The following MGST2 variants were observed in gnomAD, a reference collection of about 807,000 sequenced individuals.
MGST2 encodes microsomal glutathione S-transferase 2.
A neutral mutation model predicts 16.6 loss-of-function variants in MGST2; 9 were observed. That is an observed-to-expected ratio of 0.54 (90% CI 0.33 to 0.95). The LOEUF (loss-of-function observed/expected upper bound fraction) is 0.95, where lower values mean the gene tolerates loss of function less well. MGST2 is among the 40% of genes least tolerant of loss of function. The probability of loss-of-function intolerance (pLI) is 0.03; values close to 1 mark genes in which losing one functional copy is unlikely to be tolerated. For missense variants in MGST2, 159 were observed against 175.1 expected (o/e 0.91, Z 0.52); for synonymous variants, 79 against 68.0 (o/e 1.16, Z -0.79).
At chr4:139,687,547 C>T (rs1731632870) in intron 2 of MGST2, 1 of 152,188 alleles carries the variant, frequency 6.6e-6, no homozygotes, top group Non-Finnish European at 1.5e-5. Flanking sequence ...CCCTTTGCCT[C>T]TTTGGAAGGA....
At chr4:139,734,842 G>T (rs1363132796) in intron 5 of MGST2, among the ~76,000 whole-genome samples, 1 of 152,272 alleles carries the variant, frequency 6.6e-6, no homozygotes, top group Non-Finnish European at 1.5e-5. Flanking sequence ...CACAAAAGAC[G>T]GCCGGCGGCG....
chr4:139,693,914 C>G (rs1726765482), intron 2 of MGST2, among the ~76,000 whole-genome samples: 1 of 152,162 alleles, frequency 6.6e-6, no homozygotes, highest in Admixed American at 6.5e-5. Context: ...TGTGGGTAAC[C>G]TCGCTGGTGT....
intron 5 of MGST2, among the ~76,000 whole-genome samples, chr4:139,739,519 A>G (rs1003084949): frequency 1.6e-4 from 25 of 152,220 alleles, no homozygotes; most frequent in Non-Finnish European, 2.9e-4. Flanking sequence ...ATTGGTTAAA[A>G]GTTCATTAGT....
chr4:139,719,642 G>A (rs1476613482), intron 5 of MGST2: 16 of 1,612,412 alleles, frequency 9.9e-6, no homozygotes, highest in East Asian at 4.5e-5. Context: ...CCCCGGGAGC[G>A]ATGGCATCAT....
rs201105213 is a variant in MGST2 at position 139,689,761 on chromosome 4, G to A, written c.159-5436G>A. On this transcript the variant is annotated intron_variant, in intron 2 of 4. Transcript: ENST00000265498. ...CCTGGCATTAGAAATGGCTCATGAG[G>A]TTTTCCTTAGGAGAATGTTTCATAT... Among the ~76,000 whole-genome samples the A allele has an allele frequency of 2.7e-4, 41 of 152,282 alleles. No individual in the cohort carries two copies. In the East Asian group the frequency reaches 5.6e-3, roughly 21 times the overall value.
intron 5 of MGST2, among the ~76,000 whole-genome samples, chr4:139,737,268 A>ACACTCTAC (rs1292313728): frequency 6.6e-6 from 1 of 152,010 alleles, no homozygotes; most frequent in Non-Finnish European, 1.5e-5. Context: ...TCATTGCAAA[A>ACACTCTAC]CACTCTACTA....
intron 3 of MGST2, chr4:139,698,520 G>A: frequency 8.8e-7 from 1 of 1,131,374 alleles, no homozygotes; most frequent in South Asian, 1.2e-5. Context: ...TTTACCACCG[G>A]TCGATTTGCG....
At chr4:139,709,319 A>G (rs1727652366) in intron 5 of MGST2, among the ~76,000 whole-genome samples, 4 of 152,096 alleles carry the variant, frequency 2.6e-5, no homozygotes, top group East Asian at 2.0e-4. Flanking sequence ...TCCTGACCTC[A>G]TGATCCGCCC....
At chr4:139,745,735 A>G (rs1263790343), downstream of MGST2, among the ~76,000 whole-genome samples, 1 of 152,218 alleles carries the variant, frequency 6.6e-6, no homozygotes, top group Non-Finnish European at 1.5e-5. Flanking sequence ...CCCTATTTTT[A>G]AAAAACTAAA....
intron 2 of MGST2, among the ~76,000 whole-genome samples, chr4:139,682,814 C>T (rs149537613): frequency 1.2e-4 from 18 of 149,588 alleles, no homozygotes; most frequent in African/African-American, 3.7e-4. Flanking sequence ...AAAGATTAGG[C>T]GTGCTGACAC....
chr4:139,696,052 GAAAA>G (rs1726902899), intron 3 of MGST2, among the ~76,000 whole-genome samples: 2 of 152,270 alleles, frequency 1.3e-5, no homozygotes, highest in Admixed American at 6.5e-5. Flanking sequence ...CTAGGGAAAA[GAAAA>G]TGTTATTAAA....
chr4:139,724,416 T>G (rs1728384222), intron 5 of MGST2, among the ~76,000 whole-genome samples: 1 of 152,238 alleles, frequency 6.6e-6, no homozygotes, highest in African/African-American at 2.4e-5. Context: ...CTAAGTTGTT[T>G]CCAATAACCT....
intron 3 of MGST2, among the ~76,000 whole-genome samples, chr4:139,701,211 T>C (rs921774607): frequency 1.3e-5 from 2 of 152,334 alleles, no homozygotes; most frequent in East Asian, 1.9e-4. Context: ...TGCTTGAGTA[T>C]CTTGTCAGAA....
Position 139,695,237 on chromosome 4 carries a change from T to A in MGST2, c.199T>A (p.Leu67Met). 1 of 1,613,440 alleles carries A rather than the reference T, an allele frequency of 6.2e-7. No individual in the cohort carries two copies. The highest frequency in any genetic ancestry group is 8.5e-7 in the Non-Finnish European group (1 of 1,179,330). ...VEFYPIFIIT[L>M]WMAGWYFNQV... ...GTTTTATCCTATATTCATAATTACATTGTGGATGGCTGGGTGGTATTTCAA... is the reference window on the plus strand; with the variant it reads ...GTTTTATCCTATATTCATAATTACAATGTGGATGGCTGGGTGGTATTTCAA... Residue 67 changes from leucine (L) to methionine (M), a missense_variant, in exon 3 of 5, where the codon TTG becomes ATG. Physicochemically the swap from Leu to Met is conservative, Grantham distance 15 (BLOSUM62 2). Coordinates refer to ENST00000265498, the MANE Select transcript of MGST2 (RefSeq NM_002413.5).
chr4:139,674,136 C>T lies in MGST2; in HGVS notation c.59-4407C>T, dbSNP rs537921316. On this transcript the variant is annotated intron_variant, in intron 1 of 4. Transcript: ENST00000265498. Reference sequence around the variant, plus strand: ...ATTTTGCCAGGGTTAAGGACATGCCCGTGACACAGCCTCAGGGGCTCCTGA... The same window carrying T: ...ATTTTGCCAGGGTTAAGGACATGCCTGTGACACAGCCTCAGGGGCTCCTGA... 3.1e-4 allele frequency among the ~76,000 whole-genome samples: 47 copies of T among 152,248 alleles called. 1 individual carries two copies. In the South Asian group the frequency reaches 6.2e-3, roughly 20 times the overall value.
chr4:139,728,129 T>G (rs999716862), intron 5 of MGST2, among the ~76,000 whole-genome samples: 4 of 152,142 alleles, frequency 2.6e-5, no homozygotes, highest in Admixed American at 2.0e-4. Context: ...GTGGGAAGAT[T>G]GCTTGAGCTC....
At chr4:139,676,679 C>T (rs1469108374) in intron 1 of MGST2, among the ~76,000 whole-genome samples, 2 of 152,194 alleles carry the variant, frequency 1.3e-5, no homozygotes, top group Non-Finnish European at 2.9e-5. Context: ...TGGTGTTTGA[C>T]CAAACAACTA....
chr4:139,695,037 A>G (rs1231311491), intron 2 of MGST2, among the ~76,000 whole-genome samples, 160 bp from the exon 3 acceptor site: 1 of 152,224 alleles, frequency 6.6e-6, no homozygotes, highest in Non-Finnish European at 1.5e-5. Context: ...ACAATGTTCA[A>G]CCTTGAAAGA....
chr4:139,689,641 A>G (rs572109677), intron 2 of MGST2, among the ~76,000 whole-genome samples: 2 of 152,314 alleles, frequency 1.3e-5, no homozygotes, highest in East Asian at 3.9e-4. Context: ...CTAAACAAGA[A>G]GAGAAAAAAT....
Sources: gnomAD v4.1 joint callset for allele counts (sites outside exome capture counted in the v4.1 genomes callset) on GRCh38, gnomAD v4.1.1 for gene constraint, MANE v1.5 for transcripts, NCBI Gene and HGNC (gene_info 2026-07-23, HGNC 2026-07-21) for gene names.